Variants in TRPC4 observed in about 807,000 individuals in gnomAD.
The protein encoded by TRPC4 is short transient receptor potential channel 4.
In TRPC4, 49 loss-of-function variants were observed where a neutral mutation model predicts 99.4. The observed-to-expected ratio is 0.49, with a 90% CI of 0.39 to 0.63. The LOEUF is 0.63. Ranked by LOEUF, TRPC4 falls within the 20% of genes least tolerant of loss-of-function variation. The pLI, the probability that TRPC4 is intolerant of heterozygous loss-of-function variation, is 0.00. For synonymous variants in TRPC4, 454 were observed against 425.9 expected (o/e 1.07, Z -0.81); for missense variants, 898 against 1,152.9 (o/e 0.78, Z 3.20).
At chr13:37,735,447 T>A (rs184571351) in intron 3 of TRPC4, among the ~76,000 whole-genome samples, 3 of 152,138 alleles carry the variant, frequency 2.0e-5, no homozygotes, top group Admixed American at 2.0e-4. Context: ...AGAGAAAATA[T>A]CAGTCACTAA....
chr13:37,859,430 T>G (rs1593334570), intron 1 of TRPC4, among the ~76,000 whole-genome samples: 1 of 151,330 alleles, frequency 6.6e-6, no homozygotes, highest in Middle Eastern at 3.4e-3. Context: ...AAGGACACCA[T>G]CTAGACACAT....
chr13:37,698,445 A>T (rs977830050), intron 3 of TRPC4, among the ~76,000 whole-genome samples: 1 of 151,764 alleles, frequency 6.6e-6, no homozygotes, highest in East Asian at 1.9e-4. Context: ...ACTAACTTTT[A>T]ATAACCACTG....
intron 3 of TRPC4, among the ~76,000 whole-genome samples, chr13:37,698,990 C>G (rs369733254): frequency 6.6e-6 from 1 of 152,084 alleles, no homozygotes; most frequent in African/African-American, 2.4e-5. Context: ...ATTTACCGTA[C>G]TTTGTATTAT....
chr13:37,724,942 A>G (rs2139052304), intron 3 of TRPC4, among the ~76,000 whole-genome samples: 1 of 152,342 alleles, frequency 6.6e-6, no homozygotes. Context: ...TCTGAGAAAT[A>G]CTTGATAACA....
chr13:37,868,076 AAT>A (rs1247243042), intron 1 of TRPC4, among the ~76,000 whole-genome samples: 1 of 152,192 alleles, frequency 6.6e-6, no homozygotes, highest in Non-Finnish European at 1.5e-5. Context: ...TTACTGGTCT[AAT>A]AATTAAAATA....
intron 3 of TRPC4, among the ~76,000 whole-genome samples, chr13:37,726,027 C>T (rs1955044067): frequency 6.6e-6 from 1 of 152,014 alleles, no homozygotes; most frequent in African/African-American, 2.4e-5. Flanking sequence ...GAAACCCCTT[C>T]TCTACTAAAA....
chr13:37,687,639 A>G (rs1290799687), intron 4 of TRPC4, among the ~76,000 whole-genome samples: 1 of 152,260 alleles, frequency 6.6e-6, no homozygotes, highest in Non-Finnish European at 1.5e-5. Context: ...AAATAAATTT[A>G]TCATATTCTA....
chr13:37,712,202 T>A (rs541234547), intron 3 of TRPC4, among the ~76,000 whole-genome samples: 6 of 152,152 alleles, frequency 3.9e-5, no homozygotes, highest in Non-Finnish European at 7.4e-5. Flanking sequence ...ATGTCCTTGA[T>A]TGCCTTTCTC....
At chr13:37,844,533 G>A (rs531976850) in intron 1 of TRPC4, among the ~76,000 whole-genome samples, 9 of 152,200 alleles carry the variant, frequency 5.9e-5, no homozygotes, top group East Asian at 5.8e-4. Context: ...GACCTCAGGC[G>A]ATTCACCTGT....
intron 2 of TRPC4, among the ~76,000 whole-genome samples, chr13:37,778,239 C>T (rs1419094940): frequency 6.6e-6 from 1 of 151,746 alleles, no homozygotes; most frequent in Non-Finnish European, 1.5e-5. Context: ...TATTTCCTTG[C>T]TTTGTGATCT....
At chr13:37,729,049 A>T (rs1955159769) in intron 3 of TRPC4, among the ~76,000 whole-genome samples, 1 of 152,120 alleles carries the variant, frequency 6.6e-6, no homozygotes, top group Non-Finnish European at 1.5e-5. Context: ...CTAAACATAG[A>T]CCTAAAACTC....
chr13:37,672,207 A>G (rs1439317655), intron 5 of TRPC4, among the ~76,000 whole-genome samples: 1 of 152,238 alleles, frequency 6.6e-6, no homozygotes, highest in Non-Finnish European at 1.5e-5. Flanking sequence ...ACTACGTACC[A>G]GAGTTCTTAT....
chr13:37,776,378 C>T (rs775794544), intron 2 of TRPC4, among the ~76,000 whole-genome samples: 2 of 151,780 alleles, frequency 1.3e-5, no homozygotes, highest in Non-Finnish European at 2.9e-5. Flanking sequence ...CTAGCTATGT[C>T]TCAATATGGG....
At chr13:37,745,460 A>ATATGCGTATATATATATATATATGCG (rs1555265756) in intron 3 of TRPC4, among the ~76,000 whole-genome samples, 5 of 4,932 alleles carry the variant, frequency 1.0e-3, no homozygotes, top group Admixed American at 4.0e-3. Context: ...ATATATATAT[A>ATATGCGTATATATATATATATATGCG]TATATATATA....
intron 1 of TRPC4, among the ~76,000 whole-genome samples, chr13:37,823,413 T>G (rs1175033785): frequency 7.0e-6 from 1 of 143,376 alleles, no homozygotes; most frequent in African/African-American, 2.5e-5. Context: ...AGGTCTAACG[T>G]TGAAGTCTTT....
At chr13:37,703,662 TA>T (rs201123757) in intron 3 of TRPC4, among the ~76,000 whole-genome samples, 5 of 151,796 alleles carry the variant, frequency 3.3e-5, no homozygotes, top group Admixed American at 6.6e-5. Flanking sequence ...TGACTAAAAT[TA>T]AAAAAAATAT....
Position 37,635,508 on chromosome 13 carries a change from TA to T in TRPC4, c.*1394del, listed in dbSNP as rs1374623575. On this transcript the variant is annotated 3_prime_UTR_variant, in exon 11 of 11. Coordinates refer to ENST00000379705, the MANE Select transcript of TRPC4 (RefSeq NM_016179.4). ...TTTGGTAATGAGAAACTGAGTGCCA[TA>T]ACATTATTCAGTTTGGGGCCAATGA... Among the ~76,000 whole-genome samples, 2 of 152,168 alleles carry T rather than the reference TA, an allele frequency of 1.3e-5. No homozygotes were observed. Among genetic ancestry groups the T allele is most frequent in the East Asian group, 3.8e-4 (2 of 5,198 alleles).
At chr13:37,774,080 T>C (rs2139304512) in intron 2 of TRPC4, among the ~76,000 whole-genome samples, 1 of 151,886 alleles carries the variant, frequency 6.6e-6, no homozygotes, top group East Asian at 2.0e-4. Context: ...AATGAATGTA[T>C]ATAATTTCCC....
intron 3 of TRPC4, among the ~76,000 whole-genome samples, chr13:37,722,852 C>A (rs756185405): frequency 2.0e-4 from 30 of 151,818 alleles, no homozygotes; most frequent in Admixed American, 1.8e-3. Context: ...GATAGAATCC[C>A]AATACTCGAG....
Sources: gnomAD v4.1 joint callset for allele counts (sites outside exome capture counted in the v4.1 genomes callset) on GRCh38, gnomAD v4.1.1 for gene constraint, MANE v1.5 for transcripts, NCBI Gene and HGNC (gene_info 2026-07-23, HGNC 2026-07-21) for gene names.